The following KLF8 variants were observed in gnomAD, a reference collection of about 807,000 sequenced individuals.
KLF8 encodes Krueppel-like factor 8.
Under a neutral mutation model 18.2 loss-of-function variants are expected in KLF8, and 10 were observed. That is an observed-to-expected ratio of 0.55 (90% CI 0.34 to 0.93). The LOEUF is 0.93. Ranked by LOEUF, KLF8 falls within the 40% of genes least tolerant of loss-of-function variation. The pLI, the probability that KLF8 is intolerant of heterozygous loss-of-function variation, is 0.02. For missense variants in KLF8, 264 were observed against 277.9 expected (o/e 0.95, Z 0.36); for synonymous variants, 109 against 97.3 (o/e 1.12, Z -0.71).
chrX:56,006,576 T>C, the KLF8 span, among the ~76,000 whole-genome samples: 1 of 112,507 alleles, frequency 8.9e-6, no homozygotes, highest in Non-Finnish European at 1.9e-5. Flanking sequence ...TGATTTGCAA[T>C]TCTGTAATGA....
chrX:56,171,664 T>C, the KLF8 span, among the ~76,000 whole-genome samples: 4 of 111,622 alleles, frequency 3.6e-5, no homozygotes, highest in African/African-American at 1.3e-4. Context: ...AGAATGATGG[T>C]TTCCAGCTTC....
chrX:56,087,367 A>G, the KLF8 span, among the ~76,000 whole-genome samples: 2 of 110,487 alleles, frequency 1.8e-5, no homozygotes, highest in South Asian at 7.8e-4. Context: ...CATCCCCTTG[A>G]TGCTTTTCTC....
the KLF8 span, among the ~76,000 whole-genome samples, chrX:56,075,970 C>A: frequency 1.0e-5 from 1 of 98,090 alleles, no homozygotes; most frequent in Non-Finnish European, 2.2e-5. Flanking sequence ...CCCCCCACAC[C>A]AGAACAGTCC....
the KLF8 span, among the ~76,000 whole-genome samples, chrX:56,124,378 C>T: frequency 8.9e-6 from 1 of 111,807 alleles, no homozygotes; most frequent in Admixed American, 9.5e-5. Context: ...TGCCCAAGGT[C>T]GTACAACTTG....
At position 56,284,855 on chromosome X, in the gene KLF8, A is replaced by G. The variant is rs1483034703; in HGVS notation, c.*361A>G. 1 of 158,744 alleles carries G rather than the reference A, an allele frequency of 6.3e-6. No individual in the cohort carries two copies. Among genetic ancestry groups the G allele is most frequent in the Non-Finnish European group, 1.2e-5 (1 of 84,529 alleles). 13.1% of individuals were successfully genotyped at this position (158,744 alleles called of 1,213,427 possible). On this transcript the variant is annotated 3_prime_UTR_variant, in exon 6 of 6. Coordinates refer to ENST00000468660, the MANE Select transcript of KLF8 (RefSeq NM_007250.5). ...AAACATACGCTGCTTTATTCTTTCC[A>G]ATTTTTCTCTTGTTTTCTAGAACTC...
At chrX:56,206,096 A>C in the KLF8 span, among the ~76,000 whole-genome samples, 1 of 110,975 alleles carries the variant, frequency 9.0e-6, no homozygotes, top group Non-Finnish European at 1.9e-5. Flanking sequence ...ATTTACTACC[A>C]TGAGAACAGT....
At chrX:56,126,828 C>G in the KLF8 span, among the ~76,000 whole-genome samples, 1 of 104,340 alleles carries the variant, frequency 9.6e-6, no homozygotes, top group Non-Finnish European at 1.9e-5. Flanking sequence ...TCTTGGCTCA[C>G]TGCAACCTCC....
the KLF8 span, among the ~76,000 whole-genome samples, chrX:56,131,974 C>T: frequency 8.9e-6 from 1 of 111,886 alleles, no homozygotes; most frequent in Non-Finnish European, 1.9e-5. Flanking sequence ...AACACTGGAG[C>T]TTTCAAATTT....
At chrX:56,070,632 G>T in the KLF8 span, among the ~76,000 whole-genome samples, 1 of 110,909 alleles carries the variant, frequency 9.0e-6, no homozygotes, top group African/African-American at 3.3e-5. Flanking sequence ...TGGACCCAGG[G>T]AGGGGAATAA....
Position 56,289,175 on chromosome X carries a change from T to A in KLF8, c.*4681T>A, listed in dbSNP as rs919617514. Among the ~76,000 whole-genome samples, 4 of 112,223 alleles carry A rather than the reference T, an allele frequency of 3.6e-5. No homozygotes were observed. The highest frequency in any genetic ancestry group is 7.5e-5 in the Non-Finnish European group (4 of 53,341). On this transcript the variant is annotated 3_prime_UTR_variant, in exon 6 of 6. Transcript: ENST00000468660. ...TCGAGTTATAATCTAATACTACTAC[T>A]TTATTTTATTGCTCGAATTGTTCCA...
chrX:55,941,583 A>T, the KLF8 span, among the ~76,000 whole-genome samples: 1 of 112,067 alleles, frequency 8.9e-6, no homozygotes, highest in Non-Finnish European at 1.9e-5. Flanking sequence ...GTGAACAGGC[A>T]ACCTACAGAA....
chrX:56,088,510 ATCT>A, the KLF8 span, among the ~76,000 whole-genome samples: 1 of 111,778 alleles, frequency 8.9e-6, no homozygotes, highest in African/African-American at 3.2e-5. Context: ...CCTTATTAAA[ATCT>A]TCTGAGCTCA....
At chrX:56,001,267 CAT>C in the KLF8 span, among the ~76,000 whole-genome samples, 19 of 112,349 alleles carry the variant, frequency 1.7e-4, no homozygotes, top group Admixed American at 8.5e-4. Context: ...ACATCACAAT[CAT>C]GTGATGAGCT....
chrX:56,188,408 G>T, the KLF8 span, among the ~76,000 whole-genome samples: 1 of 111,764 alleles, frequency 8.9e-6, no homozygotes, highest in East Asian at 2.8e-4. Context: ...ATGATCATGG[G>T]TAGGAAGAAT....
At chrX:56,248,375 T>C (rs1211224718) in intron 1 of KLF8, among the ~76,000 whole-genome samples, 1 of 111,570 alleles carries the variant, frequency 9.0e-6, no homozygotes, top group Non-Finnish European at 1.9e-5. Flanking sequence ...GGCATATGAA[T>C]GTATTAACAT....
At chrX:56,159,518 C>T in the KLF8 span, among the ~76,000 whole-genome samples, 71 of 100,361 alleles carry the variant, frequency 7.1e-4, no homozygotes, top group African/African-American at 2.3e-3. Flanking sequence ...ATCTGGTCCT[C>T]GACTTTTTTT....
chrX:56,270,381 CGAGAGAGA>C, intron 5 of KLF8, 60 bp downstream of exon 5: 1 of 779,210 alleles, frequency 1.3e-6, no homozygotes, highest in Non-Finnish European at 1.6e-6. Flanking sequence ...CACACACACA[CGAGAGAGA>C]GAGAGAGAGA....
the KLF8 span, among the ~76,000 whole-genome samples, chrX:56,068,448 C>G: frequency 9.0e-6 from 1 of 111,545 alleles, no homozygotes; most frequent in Non-Finnish European, 1.9e-5. Flanking sequence ...AGGTGAGCAA[C>G]ACTTCCTAGA....
At chrX:56,250,151 C>A in intron 1 of KLF8, 80 bp from the exon 2 acceptor site, 1 of 670,174 alleles carries the variant, frequency 1.5e-6, no homozygotes, top group Non-Finnish European at 2.4e-6. Context: ...ATAGAACACA[C>A]ATAACATTAA....
Sources: gnomAD v4.1 joint callset for allele counts (sites outside exome capture counted in the v4.1 genomes callset) on GRCh38, gnomAD v4.1.1 for gene constraint, MANE v1.5 for transcripts, NCBI Gene and HGNC (gene_info 2026-07-23, HGNC 2026-07-21) for gene names.